The following NEK11 variants were observed in gnomAD, a reference collection of about 807,000 sequenced individuals.
NEK11 encodes the protein serine/threonine-protein kinase Nek11.
Under a neutral mutation model 80.7 loss-of-function variants are expected in NEK11, and 72 were observed. The observed-to-expected ratio is 0.89, with a 90% CI of 0.74 to 1.08. NEK11 has a LOEUF of 1.08. Among genes scored for constraint, NEK11 ranks in the 50% least tolerant of loss-of-function variants. NEK11 has a pLI of 0.00. For synonymous variants in NEK11, 251 were observed against 260.7 expected, an observed-to-expected ratio of 0.96 and a Z score of 0.36; for missense variants, 764 against 763.6, an observed-to-expected ratio of 1.00 and a Z score of -0.01.
chr3:131,246,381 C>G (rs1352678061), intron 16 of NEK11, among the ~76,000 whole-genome samples: 3 of 152,156 alleles, frequency 2.0e-5, no homozygotes. Flanking sequence ...AACTACTTCA[C>G]TTACAATAAC....
At chr3:131,197,094 G>A (rs746033289) in intron 14 of NEK11, among the ~76,000 whole-genome samples, 17 of 152,092 alleles carry the variant, frequency 1.1e-4, no homozygotes, top group Non-Finnish European at 2.1e-4. Flanking sequence ...TCAGGTGTGA[G>A]CTAAGTTGCA....
chr3:131,152,452 T>C lies in NEK11; in HGVS notation c.712T>C (p.Leu238=), dbSNP rs1275962786. Residue 238 remains leucine, a synonymous_variant, in exon 8 of 18, where the codon TTA becomes CTA. Transcript: ENST00000383366. ...MNHAFAGSNF[L]SIVLKIVEGD... ...TCATGCATTCGCTGGCTCCAATTTC[T>C]TATCCATTGTTTTAAAAATTGTTGA... 6.2e-7 allele frequency: 1 copy of C among 1,613,962 alleles called. No individual in the cohort carries two copies. Among genetic ancestry groups the C allele is most frequent in the African/African-American group, 1.3e-5 (1 of 75,032 alleles).
chr3:131,162,381 T>C lies in NEK11; in HGVS notation c.963-27T>C, dbSNP rs767964116. On this transcript the variant is annotated intron_variant, in intron 10 of 17. Transcript: ENST00000383366. ...TTCTGAACATGTTTGGGATGGGCTATATGAGGGGAATCTTTGTTATTTATA... is the reference window on the plus strand; with the variant it reads ...TTCTGAACATGTTTGGGATGGGCTACATGAGGGGAATCTTTGTTATTTATA... 2.7e-5 allele frequency: 44 copies of C among 1,610,350 alleles called. No homozygotes were observed. In the East Asian group the frequency reaches 9.8e-4, roughly 36 times the overall value.
chr3:131,184,673 C>G (rs1362901134), intron 14 of NEK11: 3 of 793,834 alleles, frequency 3.8e-6, no homozygotes, highest in Non-Finnish European at 5.3e-6. Context: ...CACTGTTCAT[C>G]TATAAAATTT....
chr3:131,034,404 A>AT (rs1483260032), intron 3 of NEK11, among the ~76,000 whole-genome samples: 1 of 152,038 alleles, frequency 6.6e-6, no homozygotes, highest in African/African-American at 2.4e-5. Context: ...ATACAATTTA[A>AT]ATTTTTTTTT....
chr3:131,133,913 G>C lies in NEK11; in HGVS notation c.604G>C (p.Glu202Gln), dbSNP rs763274744. ...TGGAACTCCCCATTATATGAGTCCT[G>C]AGGCTCTGAAACACCAAGGCTATGA... ...LTGTPHYMSP[E>Q]ALKHQGYDTK... is the part of the protein sequence containing the mutation. Residue 202 changes from glutamate to glutamine, a missense_variant, in exon 7 of 18, where the codon GAG (glutamate) becomes CAG (glutamine). Physicochemically the swap from Glu to Gln is conservative, Grantham distance 29. Transcript: ENST00000383366. 8.1e-6 allele frequency: 13 copies of C among 1,612,154 alleles called. No homozygotes were observed. Among genetic ancestry groups the C allele is most frequent in the Non-Finnish European group, 1.1e-5 (13 of 1,178,934 alleles).
chr3:131,263,497 G>A (rs1310057799), intron 16 of NEK11, among the ~76,000 whole-genome samples: 1 of 152,146 alleles, frequency 6.6e-6, no homozygotes. Context: ...AAGTCAGGTA[G>A]TGTGATGCCT....
chr3:131,290,489 G>T (rs183188440), intron 17 of NEK11, among the ~76,000 whole-genome samples: 1 of 152,362 alleles, frequency 6.6e-6, no homozygotes. Flanking sequence ...CTTGAGAGAA[G>T]CAGGGAGAAT....
chr3:131,117,402 G>A (rs991138180), intron 5 of NEK11, among the ~76,000 whole-genome samples: 3 of 152,188 alleles, frequency 2.0e-5, no homozygotes, highest in Non-Finnish European at 4.4e-5. Context: ...TTTGAAGTCA[G>A]GTTGTGTGAT....
chr3:131,186,550 C>T (rs1174392818), intron 14 of NEK11, among the ~76,000 whole-genome samples: 3 of 152,106 alleles, frequency 2.0e-5, no homozygotes, highest in Admixed American at 2.0e-4. Context: ...CTGTTATATC[C>T]AGAAGTAGAA....
chr3:131,235,817 G>C (rs2095421630), intron 15 of NEK11, among the ~76,000 whole-genome samples: 2 of 152,114 alleles, frequency 1.3e-5, no homozygotes, highest in Non-Finnish European at 2.9e-5. Flanking sequence ...GACAGAGCTG[G>C]GGTTTAAACC....
At chr3:131,097,604 G>A (rs928375344) in intron 4 of NEK11, among the ~76,000 whole-genome samples, 2 of 152,118 alleles carry the variant, frequency 1.3e-5, no homozygotes, top group Admixed American at 6.5e-5. Flanking sequence ...CTTGTAAATC[G>A]TGAAGGACCT....
At chr3:131,179,787 G>T (rs2093246497) in intron 14 of NEK11, among the ~76,000 whole-genome samples, 1 of 152,074 alleles carries the variant, frequency 6.6e-6, no homozygotes, top group African/African-American at 2.4e-5. Context: ...TCTTAAAATA[G>T]ACGGCATATC....
intron 16 of NEK11, among the ~76,000 whole-genome samples, chr3:131,259,583 A>T (rs2095875919): frequency 6.6e-6 from 1 of 152,158 alleles, no homozygotes; most frequent in Non-Finnish European, 1.5e-5. Context: ...CAGAAGGAGA[A>T]GGATGCAGGA....
At chr3:131,062,079 CA>C (rs1291656206) in intron 3 of NEK11, among the ~76,000 whole-genome samples, 24 of 152,178 alleles carry the variant, frequency 1.6e-4, no homozygotes, top group African/African-American at 4.8e-4. Flanking sequence ...AAATAAAACC[CA>C]AAACCCTCCT....
intron 16 of NEK11, among the ~76,000 whole-genome samples, chr3:131,248,833 A>G (rs1224577957): frequency 1.3e-5 from 2 of 152,160 alleles, no homozygotes; most frequent in Non-Finnish European, 2.9e-5. Flanking sequence ...TTTAGGAGAA[A>G]TTAGATGCAG....
At chr3:131,044,078 T>G (rs1329422756) in intron 3 of NEK11, among the ~76,000 whole-genome samples, 2 of 151,750 alleles carry the variant, frequency 1.3e-5, no homozygotes, top group Non-Finnish European at 2.9e-5. Flanking sequence ...GATTTTGCCT[T>G]ACAAGAGGTC....
At position 131,228,615 on chromosome 3, in the gene NEK11, A is replaced by T; in HGVS notation, c.1487A>T (p.Glu496Val). The T allele has an allele frequency of 6.2e-7, 1 of 1,613,792 alleles. No homozygotes were observed. The highest frequency in any genetic ancestry group is 8.5e-7 in the Non-Finnish European group (1 of 1,179,748). The change falls in exon 15 of 18, where the codon GAA (glutamate) becomes GTA (valine). Residue 496 changes from glutamate to valine, a missense_variant. By Grantham distance (121) the Glu-to-Val change is moderately radical (BLOSUM62 -2). Transcript: ENST00000383366. ...GAAGAGAGTGATGAGGAGGAAGAAG[A>T]AATAGCGTTAGAAAGACCAGAGAAA... is the stretch of plus-strand genomic sequence containing the variant. ...YCEESDEEEEEIALERPEKEI... is the reference protein window; with the variant it reads ...YCEESDEEEEVIALERPEKEI...
chr3:131,070,631 T>C (rs1274572808), intron 3 of NEK11, among the ~76,000 whole-genome samples: 1 of 152,178 alleles, frequency 6.6e-6, no homozygotes, highest in African/African-American at 2.4e-5. Context: ...GTTGTTTTTG[T>C]TTTTTTCTTT....
Sources: allele counts gnomAD v4.1 joint callset (sites outside exome capture counted in the v4.1 genomes callset), GRCh38; gene constraint gnomAD v4.1.1; transcripts MANE v1.5; gene names NCBI Gene and HGNC (gene_info 2026-07-23, HGNC 2026-07-21).